THSD7A: variants seen among roughly 807,000 people sequenced by gnomAD.
THSD7A encodes thrombospondin type-1 domain-containing protein 7A.
In THSD7A, 96 loss-of-function variants were observed where a neutral mutation model predicts 231.3. The observed-to-expected ratio is 0.41, with a 90% CI of 0.35 to 0.49. The LOEUF is 0.49. Ranked by LOEUF, THSD7A falls within the 20% of genes least tolerant of loss-of-function variation. THSD7A has a pLI of 0.05. For synonymous variants in THSD7A, 940 were observed against 743.3 expected, an observed-to-expected ratio of 1.26 and a Z score of -4.30; for missense variants, 2,290 against 2,070.2, an observed-to-expected ratio of 1.11 and a Z score of -2.06.
chr7:11,489,120 T>C (rs1341131507), intron 6 of THSD7A, among the ~76,000 whole-genome samples: 7 of 152,142 alleles, frequency 4.6e-5, no homozygotes, highest in Non-Finnish European at 1.0e-4. Flanking sequence ...GTTTGTCTTA[T>C]TCAGTATCTT....
chr7:11,701,041 C>T lies in THSD7A; in HGVS notation c.191-64080G>A, dbSNP rs545192703. 2.4e-4 allele frequency among the ~76,000 whole-genome samples: 36 copies of T among 151,088 alleles called. 1 individual carries two copies. The South Asian group carries it at 3.1e-3, about 13-fold the overall frequency. Reference sequence around the variant, plus strand: ...TAAAAGAAAATGCTATTTGTAATTCCGACTACTTTTAAAAATAAGTTTTCA... The same window carrying T: ...TAAAAGAAAATGCTATTTGTAATTCTGACTACTTTTAAAAATAAGTTTTCA... On this transcript the variant is annotated intron_variant, in intron 1 of 27. Transcript: ENST00000423059.
At position 11,593,642 on chromosome 7, in the gene THSD7A, C is replaced by T. The variant is rs180706974; in HGVS notation, c.1023-140G>A. 3.8e-5 allele frequency: 39 copies of T among 1,016,148 alleles called. No individual in the cohort carries two copies. The African/African-American group carries it at 6.1e-4, about 16-fold the overall frequency. The allele number at this position is 1,016,148 out of a possible 1,614,324, so 62.9% of individuals were successfully genotyped here. A position where few individuals can be genotyped will look rare whatever the true frequency, so the allele number is the denominator to read the frequency against. On this transcript the variant is annotated intron_variant, in intron 2 of 27. Coordinates refer to ENST00000423059, the MANE Select transcript of THSD7A (RefSeq NM_015204.3). ...TCCAGTTTCATCGAAAATACATCAACATTTATGATGTGGAAAAGCAGTTAG... is the reference window on the plus strand; with the variant it reads ...TCCAGTTTCATCGAAAATACATCAATATTTATGATGTGGAAAAGCAGTTAG...
At chr7:11,746,321 C>A (rs1245037021) in intron 1 of THSD7A, among the ~76,000 whole-genome samples, 1 of 151,828 alleles carries the variant, frequency 6.6e-6, no homozygotes, top group African/African-American at 2.4e-5. Flanking sequence ...AACTAAGAAA[C>A]CAACACTGGT....
chr7:11,452,192 T>C (rs987763282), intron 11 of THSD7A, among the ~76,000 whole-genome samples: 5 of 152,002 alleles, frequency 3.3e-5, no homozygotes, highest in African/African-American at 1.2e-4. Context: ...TTTTCTCCTA[T>C]GGTTTTATGA....
chr7:11,827,295 A>T (rs1785060826), intron 1 of THSD7A, among the ~76,000 whole-genome samples: 1 of 152,176 alleles, frequency 6.6e-6, no homozygotes, highest in Non-Finnish European at 1.5e-5. Flanking sequence ...TTGATACTGT[A>T]TCTTTTCTAC....
intron 1 of THSD7A, among the ~76,000 whole-genome samples, chr7:11,818,437 C>G (rs934228109): frequency 3.9e-5 from 6 of 152,210 alleles, no homozygotes; most frequent in African/African-American, 1.4e-4. Flanking sequence ...GTTTACCTGT[C>G]TCCTTCCTGA....
chr7:11,815,701 A>G (rs10239911), intron 1 of THSD7A, among the ~76,000 whole-genome samples: 52,415 of 151,970 alleles, frequency 0.34, 9,547 homozygotes, highest in East Asian at 0.48. Context: ...TTCACATCTG[A>G]CTTAACATTT....
intron 1 of THSD7A, among the ~76,000 whole-genome samples, chr7:11,750,436 A>C (rs1309136621): frequency 6.6e-6 from 1 of 151,934 alleles, no homozygotes; most frequent in African/African-American, 2.4e-5. Context: ...CTAGTCTCCA[A>C]ATTCAGGTAT....
At position 11,636,554 on chromosome 7, in the gene THSD7A, A is replaced by G. The variant is rs1781862786; in HGVS notation, c.598T>C (p.Phe200Leu). The G allele has an allele frequency of 6.2e-7, 1 of 1,613,986 alleles. No homozygotes were observed. Among genetic ancestry groups the G allele is most frequent in the Non-Finnish European group, 8.5e-7 (1 of 1,179,884 alleles). Reference protein sequence around the residue: ...PCQQDCIVSEFSAWSECSKTC... With the variant: ...PCQQDCIVSELSAWSECSKTC... Reference sequence around the variant, plus strand: ...TTGGAGCATTCGGACCAGGCAGAAAATTCAGACACGATGCAATCTTGCTGG... The same window carrying G: ...TTGGAGCATTCGGACCAGGCAGAAAGTTCAGACACGATGCAATCTTGCTGG... The change falls in exon 2 of 28, where the codon TTT (phenylalanine) becomes CTT (leucine). Residue 200 changes from phenylalanine to leucine, a missense_variant. Transcript: ENST00000423059. This position sits in a 1 kb window ranked among gnomAD's most constrained non-coding sequence, Gnocchi z 10.0.
At chr7:11,749,121 GC>G (rs1341401224) in intron 1 of THSD7A, among the ~76,000 whole-genome samples, 3 of 151,922 alleles carry the variant, frequency 2.0e-5, no homozygotes, top group African/African-American at 7.2e-5. Context: ...GGCACATATG[GC>G]CCATATGGCC....
At chr7:11,430,048 G>A (rs534286019) in intron 13 of THSD7A, among the ~76,000 whole-genome samples, 10 of 152,256 alleles carry the variant, frequency 6.6e-5, no homozygotes, top group East Asian at 3.9e-4. Context: ...TGAAACGCAC[G>A]GTTGTCCTCT....
intron 6 of THSD7A, among the ~76,000 whole-genome samples, chr7:11,501,160 G>C (rs753434863): frequency 3.9e-5 from 6 of 152,006 alleles, no homozygotes; most frequent in Non-Finnish European, 5.9e-5. Flanking sequence ...AAGAGACATA[G>C]ACTCCCCACA....
At position 11,590,412 on chromosome 7, in the gene THSD7A, CTCAG is replaced by C. The variant is rs1315257632; in HGVS notation, c.1453+44_1453+47del. 1.9e-6 allele frequency: 3 copies of C among 1,563,048 alleles called. No homozygotes were observed. The highest frequency in any genetic ancestry group is 1.7e-6 in the Non-Finnish European group (2 of 1,152,968). ...TATATCCCTTCAGAGCAATCACATG[CTCAG>C]TCAGTCTTCATAAGTGAATCCTTGA... On this transcript the variant is annotated intron_variant, in intron 4 of 27. Coordinates refer to ENST00000423059, the MANE Select transcript of THSD7A (RefSeq NM_015204.3). This position sits in a 1 kb window ranked among gnomAD's most constrained non-coding sequence, Gnocchi z 4.4.
chr7:11,557,760 T>C (rs10229585), intron 4 of THSD7A, among the ~76,000 whole-genome samples: 18,709 of 152,060 alleles, frequency 0.12, 2,415 homozygotes, highest in African/African-American at 0.32. Flanking sequence ...TGCCTAATTG[T>C]CTTCACTAAC....
Position 11,424,781 on chromosome 7 carries a change from C to G in THSD7A, c.3298G>C (p.Val1100Leu). The change falls in exon 16 of 28, where the codon GTC becomes CTC. Residue 1100 changes from valine to leucine, a missense_variant. Coordinates refer to ENST00000423059, the MANE Select transcript of THSD7A (RefSeq NM_015204.3). ...CHSDCNQYLW[V>L]TEPWSICKVT... ...TTGCAGATGCTCCAGGGCTCTGTGA[C>G]CCATAGGTACTGGTTGCAGTCACTG... 1 of 1,613,966 alleles carries G rather than the reference C, an allele frequency of 6.2e-7. No individual in the cohort carries two copies. The highest frequency in any genetic ancestry group is 8.5e-7 in the Non-Finnish European group (1 of 1,179,878).
At chr7:11,615,289 A>G (rs1781068382) in intron 2 of THSD7A, among the ~76,000 whole-genome samples, 1 of 152,206 alleles carries the variant, frequency 6.6e-6, no homozygotes, top group Admixed American at 6.5e-5. Context: ...TTCACCAGAT[A>G]GAGTGCAGCT....
chr7:11,431,576 C>A (rs757664170), intron 13 of THSD7A, among the ~76,000 whole-genome samples: 2 of 152,164 alleles, frequency 1.3e-5, no homozygotes, highest in Admixed American at 6.6e-5. Flanking sequence ...GATAGTACCA[C>A]ATAGTCTTGA....
intron 1 of THSD7A, among the ~76,000 whole-genome samples, chr7:11,648,842 C>A (rs1209027514): frequency 6.6e-6 from 1 of 151,856 alleles, no homozygotes. Context: ...ATCTTCTGGG[C>A]CACTATGATC....
intron 6 of THSD7A, among the ~76,000 whole-genome samples, chr7:11,514,215 C>A (rs1787934537): frequency 6.6e-6 from 1 of 151,884 alleles, no homozygotes; most frequent in African/African-American, 2.4e-5. Flanking sequence ...TTCTTCATAA[C>A]ACTTATCATT....
Sources: gnomAD v4.1 joint callset for allele counts (sites outside exome capture counted in the v4.1 genomes callset) on GRCh38, gnomAD v4.1.1 for gene constraint, Gnocchi (gnomAD v3.1) non-coding constraint, MANE v1.5 for transcripts, NCBI Gene and HGNC (gene_info 2026-07-23, HGNC 2026-07-21) for gene names.